MTDH: variants seen among roughly 807,000 people sequenced by gnomAD.
MTDH encodes the protein metadherin.
A neutral mutation model predicts 72.7 loss-of-function variants in MTDH; 34 were observed. The observed-to-expected ratio is 0.47, with a 90% CI of 0.36 to 0.62. The LOEUF is 0.62. MTDH is among the 20% of genes least tolerant of loss of function. The pLI, the probability that MTDH is intolerant of heterozygous loss-of-function variation, is 0.00. For synonymous variants in MTDH, 266 were observed against 268.9 expected, an observed-to-expected ratio of 0.99 and a Z score of 0.10; for missense variants, 677 against 699.4, an observed-to-expected ratio of 0.97 and a Z score of 0.36.
chr8:97,670,524 TAA>T (rs1269751239), intron 2 of MTDH, among the ~76,000 whole-genome samples: 1 of 152,090 alleles, frequency 6.6e-6, no homozygotes, highest in Admixed American at 6.6e-5. Flanking sequence ...CTTGGGAGGC[TAA>T]GTCACGAGAA....
rs575840353 is a variant in MTDH, at chr8:97,723,936, C to T, written c.1679-664C>T. Among the ~76,000 whole-genome samples, 3 of 151,976 alleles carry T rather than the reference C, an allele frequency of 2.0e-5. No individual in the cohort carries two copies. The South Asian group carries it at 6.2e-4, about 32-fold the overall frequency. ...CAGCGTGGCCAACATGGCGAAACCCCGTCTCTACTAAAAATACAAAAATTA... is the reference window on the plus strand; with the variant it reads ...CAGCGTGGCCAACATGGCGAAACCCTGTCTCTACTAAAAATACAAAAATTA... On this transcript the variant is annotated intron_variant, in intron 11 of 11. Transcript: ENST00000336273.
chr8:97,715,826 T>C (rs907964960), intron 9 of MTDH, among the ~76,000 whole-genome samples: 1 of 152,220 alleles, frequency 6.6e-6, no homozygotes, highest in African/African-American at 2.4e-5. Context: ...GTAGGATAGA[T>C]GTATTCTGAA....
chr8:97,649,561 T>C (rs1037083258), intron 1 of MTDH, among the ~76,000 whole-genome samples: 1 of 152,234 alleles, frequency 6.6e-6, no homozygotes, highest in South Asian at 2.1e-4. Flanking sequence ...ATAATTCTGC[T>C]TAGCTAGATT....
chr8:97,664,821 G>T (rs1812314705), intron 2 of MTDH, among the ~76,000 whole-genome samples: 1 of 150,432 alleles, frequency 6.6e-6, no homozygotes, highest in Admixed American at 6.7e-5. Flanking sequence ...GAGTGCAATG[G>T]CACGATCTCA....
At chr8:97,706,542 A>G (rs892994230) in intron 7 of MTDH, 84 bp from the exon 8 acceptor site, 46 of 1,290,644 alleles carry the variant, frequency 3.6e-5, no homozygotes, top group Non-Finnish European at 4.4e-5. Flanking sequence ...ATTACAGCTT[A>G]GTTGAACATA....
chr8:97,719,241 T>TCCCA (rs2131081109), intron 10 of MTDH, 52 bp downstream of exon 10: 2 of 1,575,260 alleles, frequency 1.3e-6, no homozygotes, highest in Non-Finnish European at 1.7e-6. Context: ...ACGCCTGTAA[T>TCCCA]CCCAGCACTT....
intron 8 of MTDH, among the ~76,000 whole-genome samples, chr8:97,708,079 G>A (rs183345267): frequency 1.3e-5 from 2 of 150,512 alleles, no homozygotes; most frequent in Admixed American, 6.7e-5. Flanking sequence ...AGCAATTCTC[G>A]TGCCTCAGCC....
rs1203541220 is a variant in MTDH, at chr8:97,644,482, G to C, written c.-25G>C. The C allele has an allele frequency of 6.5e-7, 1 of 1,546,546 alleles. No individual in the cohort carries two copies. Among genetic ancestry groups the C allele is most frequent in the Admixed American group, 2.0e-5 (1 of 51,226 alleles). ...CGTCTCCGCGCCCCGGCGTCATCCT[G>C]CGAGTCCCTCTGACGGGAGGGAAGA... On this transcript the variant is annotated 5_prime_UTR_variant, in exon 1 of 12. Coordinates refer to ENST00000336273, the MANE Select transcript of MTDH (RefSeq NM_178812.4).
At chr8:97,721,792 G>A (rs1815140888) in intron 10 of MTDH, among the ~76,000 whole-genome samples, 1 of 152,204 alleles carries the variant, frequency 6.6e-6, no homozygotes, top group Non-Finnish European at 1.5e-5. Flanking sequence ...CCAGGCTGTA[G>A]AGAAGTAAGG....
rs72671554 is a variant in MTDH, at chr8:97,729,693, C to T, written c.*5023C>T. The stretch of plus-strand genomic sequence containing the variant: ...TTGTTTTTTTCTAGAGACAGAGTCT[C>T]GTTGCCCAGGCTGGTCTCCAATTCC... On this transcript the variant is annotated 3_prime_UTR_variant, in exon 12 of 12. Coordinates refer to ENST00000336273, the MANE Select transcript of MTDH (RefSeq NM_178812.4). Among the ~76,000 whole-genome samples, 856 of 151,708 alleles carry T rather than the reference C, an allele frequency of 5.6e-3. 3 individuals carry two copies. Among genetic ancestry groups the T allele is most frequent in the Middle Eastern group, 0.037 (11 of 294 alleles).
intron 1 of MTDH, among the ~76,000 whole-genome samples, chr8:97,652,474 C>T (rs1811811116): frequency 1.3e-5 from 2 of 152,200 alleles, no homozygotes; most frequent in South Asian, 4.1e-4. Flanking sequence ...GTCTCAACCC[C>T]TTAGATGTTT....
intron 2 of MTDH, among the ~76,000 whole-genome samples, chr8:97,670,964 T>TTTG (rs1812595879): frequency 7.2e-6 from 1 of 138,128 alleles, no homozygotes; most frequent in African/African-American, 2.7e-5. Flanking sequence ...TTTTTTTTTT[T>TTTG]TTTTTTTTTT....
At chr8:97,717,116 C>T (rs1043111725) in intron 9 of MTDH, among the ~76,000 whole-genome samples, 1 of 152,178 alleles carries the variant, frequency 6.6e-6, no homozygotes, top group African/African-American at 2.4e-5. Flanking sequence ...TTACAGACTT[C>T]ACCCACATAC....
Position 97,725,378 on chromosome 8 carries a change from ATTTGT to A in MTDH, c.*712_*716del, listed in dbSNP as rs751366048. 33 of 152,672 alleles carry A rather than the reference ATTTGT, an allele frequency of 2.2e-4. No homozygotes were observed. Among genetic ancestry groups the A allele is most frequent in the Non-Finnish European group, 4.1e-4 (28 of 68,012 alleles). The allele number at this position is 152,672 out of a possible 1,614,324, so 9.5% of individuals were successfully genotyped here. A position where few individuals can be genotyped will look rare whatever the true frequency, so the allele number is the denominator to read the frequency against. On this transcript the variant is annotated 3_prime_UTR_variant, in exon 12 of 12. Coordinates refer to ENST00000336273, the MANE Select transcript of MTDH (RefSeq NM_178812.4). ...AAATTAAGAAAAGTGAACTATATGTATTTGTTTTATACATTTAAGGCTTAGACTCA... is the reference window on the plus strand; with the variant it reads ...AAATTAAGAAAAGTGAACTATATGTATTTATACATTTAAGGCTTAGACTCA...
intron 1 of MTDH, among the ~76,000 whole-genome samples, chr8:97,651,629 A>G (rs1444726511): frequency 6.6e-6 from 1 of 152,190 alleles, no homozygotes; most frequent in Non-Finnish European, 1.5e-5. Flanking sequence ...TTGGAGTAAC[A>G]AATAAATTTT....
At chr8:97,665,358 T>C (rs1030675392) in intron 2 of MTDH, among the ~76,000 whole-genome samples, 2 of 152,162 alleles carry the variant, frequency 1.3e-5, no homozygotes, top group African/African-American at 4.8e-5. Flanking sequence ...AGTGTTTCAT[T>C]AGTACTAGTC....
chr8:97,644,718 G>C lies in MTDH; in HGVS notation c.212G>C (p.Trp71Ser). The C allele has an allele frequency of 6.3e-7, 1 of 1,588,764 alleles. No individual in the cohort carries two copies. Among genetic ancestry groups the C allele is most frequent in the Non-Finnish European group, 8.5e-7 (1 of 1,172,058 alleles). The part of the protein sequence containing the change: ...LLLLFLLGYG[W>S]AAACAGARKK... ...CTGCTGTTTCTGCTGGGCTACGGCT[G>C]GGCCGCGGCTTGCGCCGGCGCCCGC... is the stretch of plus-strand genomic sequence containing the variant. The change falls in exon 1 of 12, where the codon TGG (tryptophan) becomes TCG (serine). Residue 71 changes from tryptophan to serine, a missense_variant. Coordinates refer to ENST00000336273, the MANE Select transcript of MTDH (RefSeq NM_178812.4).
Position 97,644,736 on chromosome 8 carries a change from G to C in MTDH, c.230G>C (p.Gly77Ala). 4 of 1,576,758 alleles carry C rather than the reference G, an allele frequency of 2.5e-6. No individual in the cohort carries two copies. Among genetic ancestry groups the C allele is most frequent in the Non-Finnish European group, 3.4e-6 (4 of 1,168,200 alleles). ...TACGGCTGGGCCGCGGCTTGCGCCG[G>C]CGCCCGCAAAAAGCGGAGGAGCCCG... ...LGYGWAAACAGARKKRRSPPR... is the reference protein window; with the variant it reads ...LGYGWAAACAAARKKRRSPPR... Residue 77 changes from glycine to alanine, a missense_variant, in exon 1 of 12, where the codon GGC becomes GCC. Around this residue, in one of 3 missense-constraint regions of MTDH, gnomAD observed 467 missense variants for 469.1 expected, o/e 1.00. Transcript: ENST00000336273.
intron 2 of MTDH, among the ~76,000 whole-genome samples, chr8:97,666,391 T>C (rs1034819586): frequency 4.6e-5 from 7 of 152,210 alleles, no homozygotes; most frequent in Non-Finnish European, 7.3e-5. Context: ...GACATTATCA[T>C]TTCTTTTACA....
Sources: gnomAD v4.1 joint callset for allele counts (sites outside exome capture counted in the v4.1 genomes callset) on GRCh38, gnomAD v4.1.1 for gene constraint, gnomAD v4.1.1 regional missense constraint, MANE v1.5 for transcripts, NCBI Gene and HGNC (gene_info 2026-07-23, HGNC 2026-07-21) for gene names.